The following NRXN3 variants were observed in gnomAD, a reference collection of about 807,000 sequenced individuals.
The protein encoded by NRXN3 is neurexin III.
In NRXN3, 32 loss-of-function variants were observed where a neutral mutation model predicts 137.6. That is an observed-to-expected ratio of 0.23 (90% CI 0.18 to 0.31). The LOEUF (loss-of-function observed/expected upper bound fraction) is 0.31. Among genes scored for constraint, NRXN3 ranks in the 10% least tolerant of loss-of-function variants. The pLI, the probability that NRXN3 is intolerant of heterozygous loss-of-function variation, is 1.00. For synonymous variants in NRXN3, 798 were observed against 784.5 expected, an observed-to-expected ratio of 1.02 and a Z score of -0.29; for missense variants, 1,574 against 2,062.5, an observed-to-expected ratio of 0.76 and a Z score of 4.59.
chr14:78,579,419 T>C (rs2096968899), intron 4 of NRXN3, among the ~76,000 whole-genome samples: 1 of 152,102 alleles, frequency 6.6e-6, no homozygotes, highest in Non-Finnish European at 1.5e-5. Flanking sequence ...TCACTAGTCC[T>C]CATTTCCAAG....
At chr14:79,844,568 A>G (rs749598727) in intron 20 of NRXN3, among the ~76,000 whole-genome samples, 36 of 152,046 alleles carry the variant, frequency 2.4e-4, no homozygotes, top group Non-Finnish European at 2.9e-4. Flanking sequence ...CTCTTGGATG[A>G]CCAGGTGCAC....
chr14:79,243,762 A>G (rs1339102228), intron 15 of NRXN3, among the ~76,000 whole-genome samples: 1 of 152,162 alleles, frequency 6.6e-6, no homozygotes, highest in Non-Finnish European at 1.5e-5. Context: ...ATCTAAACAT[A>G]GAAAAGGGAT....
At chr14:78,494,925 T>C (rs1415146222) in intron 4 of NRXN3, among the ~76,000 whole-genome samples, 1 of 152,092 alleles carries the variant, frequency 6.6e-6, no homozygotes, top group African/African-American at 2.4e-5. Flanking sequence ...GACTGGCCTC[T>C]TGATATGGGG....
chr14:79,214,432 A>C (rs780814220), intron 15 of NRXN3, among the ~76,000 whole-genome samples: 1 of 152,188 alleles, frequency 6.6e-6, no homozygotes, highest in Admixed American at 6.5e-5. Context: ...AGTTAACAGT[A>C]ATGTATTATG....
In NRXN3 at chr14:78,432,954, A is replaced by G. The variant is rs550757612; in HGVS notation, c.757+135094A>G. ...TATTCTTCTATTGCTGCTGTCACAA[A>G]TTACCTCAAACTTAGTGGCTTAAAA... On this transcript the variant is annotated intron_variant, in intron 4 of 20. Transcript: ENST00000335750. Among the ~76,000 whole-genome samples the G allele has an allele frequency of 1.5e-4, 23 of 152,324 alleles. No homozygotes were observed. The South Asian group carries it at 4.8e-3, about 32-fold the overall frequency.
At chr14:79,502,983 C>A (rs1012845994) in intron 16 of NRXN3, among the ~76,000 whole-genome samples, 1 of 152,096 alleles carries the variant, frequency 6.6e-6, no homozygotes, top group Non-Finnish European at 1.5e-5. Flanking sequence ...GATAAAATAG[C>A]CTGCCCAGCC....
chr14:79,581,276 T>A (rs116922513), intron 16 of NRXN3, among the ~76,000 whole-genome samples: 27 of 152,312 alleles, frequency 1.8e-4, no homozygotes, highest in Admixed American at 1.0e-3. Context: ...GCTTCCTTAC[T>A]GCTTCTCTCA....
At chr14:79,584,421 G>A (rs1277760759) in intron 16 of NRXN3, among the ~76,000 whole-genome samples, 1 of 152,136 alleles carries the variant, frequency 6.6e-6, no homozygotes, top group East Asian at 1.9e-4. Flanking sequence ...TGAGTCCATA[G>A]GCATGTGAGC....
intron 15 of NRXN3, among the ~76,000 whole-genome samples, chr14:79,314,972 G>A (rs959047840): frequency 6.6e-6 from 1 of 152,192 alleles, no homozygotes; most frequent in Non-Finnish European, 1.5e-5. Context: ...GCTTTTGCCA[G>A]GACGCCTGCT....
intron 13 of NRXN3, 125 bp from the exon 14 acceptor site, chr14:78,968,048 T>TACCCCC (rs2099425468): frequency 1.8e-5 from 1 of 54,440 alleles, no homozygotes; most frequent in Non-Finnish European, 4.2e-5. Flanking sequence ...ATTTATGCTG[T>TACCCCC]CCCCCCCCCC....
chr14:78,718,524 G>T (rs564704290), intron 8 of NRXN3, among the ~76,000 whole-genome samples: 80 of 152,246 alleles, frequency 5.3e-4, no homozygotes, highest in Non-Finnish European at 9.3e-4. Flanking sequence ...GAGAGTCAGA[G>T]AATAAGGCCT....
At chr14:78,826,187 C>T (rs1026414820) in intron 10 of NRXN3, among the ~76,000 whole-genome samples, 4 of 152,146 alleles carry the variant, frequency 2.6e-5, no homozygotes, top group African/African-American at 9.7e-5. Flanking sequence ...AAAATGTAAG[C>T]TCCTTGTTCT....
intron 4 of NRXN3, among the ~76,000 whole-genome samples, chr14:78,609,303 G>A (rs1039168100): frequency 2.0e-5 from 3 of 152,014 alleles, no homozygotes; most frequent in Non-Finnish European, 2.9e-5. Context: ...AAAAAAAAAG[G>A]GTGAGGTGGC....
At chr14:78,294,146 A>G (rs2076074061) in intron 3 of NRXN3, among the ~76,000 whole-genome samples, 2 of 152,214 alleles carry the variant, frequency 1.3e-5, no homozygotes, top group Admixed American at 6.5e-5. Flanking sequence ...CACTCATTCA[A>G]TCATCAAACA....
intron 4 of NRXN3, among the ~76,000 whole-genome samples, chr14:78,352,117 G>C (rs1292803471): frequency 6.6e-6 from 1 of 150,880 alleles, no homozygotes; most frequent in Non-Finnish European, 1.5e-5. Flanking sequence ...AAGATAGCAG[G>C]CATTGCCTTA....
intron 15 of NRXN3, among the ~76,000 whole-genome samples, chr14:79,224,686 C>T (rs1257334668): frequency 6.6e-6 from 1 of 152,072 alleles, no homozygotes; most frequent in East Asian, 1.9e-4. Context: ...GCTCTTACTC[C>T]AATCTGACTT....
intron 4 of NRXN3, among the ~76,000 whole-genome samples, chr14:78,560,526 C>A (rs2096776730): frequency 6.6e-6 from 1 of 152,200 alleles, no homozygotes; most frequent in Non-Finnish European, 1.5e-5. Context: ...TCTCCAAGGC[C>A]TGGATGCTCA....
intron 15 of NRXN3, among the ~76,000 whole-genome samples, chr14:79,108,950 T>C (rs2152874191): frequency 6.6e-6 from 1 of 152,284 alleles, no homozygotes; most frequent in East Asian, 1.9e-4. Flanking sequence ...ATGGTTGAGT[T>C]GGACAGCATT....
chr14:78,967,449 A>C, intron 13 of NRXN3, 51 bp downstream of exon 13: 1 of 1,355,582 alleles, frequency 7.4e-7, no homozygotes, highest in Non-Finnish European at 1.0e-6. Context: ...CTTACAATAG[A>C]TAGACTATTT....
Sources: allele counts gnomAD v4.1 joint callset (sites outside exome capture counted in the v4.1 genomes callset), GRCh38; gene constraint gnomAD v4.1.1; transcripts MANE v1.5; gene names NCBI Gene and HGNC (gene_info 2026-07-23, HGNC 2026-07-21).